SCIN: variants seen among roughly 807,000 people sequenced by gnomAD.
SCIN encodes scinderin.
SCIN carries 91 observed loss-of-function variants against 91.8 expected under a neutral mutation model. The observed-to-expected ratio is 0.99, with a 90% CI of 0.84 to 1.18. SCIN has a LOEUF of 1.18. SCIN is among the 50% of genes most tolerant of loss of function. The pLI is 0.00. For synonymous variants in SCIN, 367 were observed against 312.6 expected, an observed-to-expected ratio of 1.17 and a Z score of -1.84; for missense variants, 1,087 against 863.9, an observed-to-expected ratio of 1.26 and a Z score of -3.24.
chr7:12,636,095 CTGTT>C lies in SCIN; in HGVS notation c.1371_1374del (p.Val458SerfsTer25). 6.2e-7 allele frequency: 1 copy of C among 1,613,214 alleles called. No individual in the cohort carries two copies. The highest frequency in any genetic ancestry group is 1.1e-5 in the South Asian group (1 of 90,822). On this transcript the variant is annotated frameshift_variant, in exon 10 of 16. Coordinates refer to ENST00000297029, the MANE Select transcript of SCIN (RefSeq NM_001112706.3). LOFTEE classifies it high-confidence loss of function. ...GAGCTGACAACATCTGCGTTCCTGA[CTGTT>C]CAGTTGGATCGGTCCCTTGGAGGAC...
chr7:12,598,364 A>C (rs1269991982), intron 3 of SCIN, among the ~76,000 whole-genome samples: 3 of 152,120 alleles, frequency 2.0e-5, no homozygotes, highest in Admixed American at 2.0e-4. Context: ...TGAAGTAGTC[A>C]TAACTAACTA....
intron 2 of SCIN, among the ~76,000 whole-genome samples, chr7:12,579,049 A>T (rs1385514484): frequency 6.6e-6 from 1 of 151,626 alleles, no homozygotes; most frequent in Non-Finnish European, 1.5e-5. Context: ...AGATTTCCGA[A>T]ATCAAACACG....
chr7:12,618,594 A>G (rs544767084), intron 4 of SCIN, among the ~76,000 whole-genome samples: 1 of 152,230 alleles, frequency 6.6e-6, no homozygotes, highest in Non-Finnish European at 1.5e-5. Flanking sequence ...AAATAAGACC[A>G]CAGCTTTCTC....
intron 10 of SCIN, among the ~76,000 whole-genome samples, chr7:12,638,223 C>T: frequency 6.6e-6 from 1 of 152,170 alleles, no homozygotes; most frequent in Admixed American, 6.6e-5. Flanking sequence ...CTTTCTCGTT[C>T]ATTCTGTGAG....
At position 12,646,408 on chromosome 7, in the gene SCIN, C is replaced by T. The variant is rs571646488; in HGVS notation, c.1881+1703C>T. Among the ~76,000 whole-genome samples, 4 of 152,268 alleles carry T rather than the reference C, an allele frequency of 2.6e-5. No individual in the cohort carries two copies. In the East Asian group the frequency reaches 7.7e-4, roughly 29 times the overall value. ...TGTTCTTTCCTTATAAAGACAGACA[C>T]TAAGCAGGGGCACTGTACCCTCATG... On this transcript the variant is annotated intron_variant, in intron 13 of 15. Coordinates refer to ENST00000297029, the MANE Select transcript of SCIN (RefSeq NM_001112706.3).
intron 13 of SCIN, among the ~76,000 whole-genome samples, chr7:12,648,171 C>A (rs1784002905): frequency 6.6e-6 from 1 of 151,912 alleles, no homozygotes; most frequent in African/African-American, 2.4e-5. Context: ...TATAATTTAA[C>A]ACAATTTAAC....
chr7:12,576,647 CA>C (rs1252931521), intron 1 of SCIN, among the ~76,000 whole-genome samples: 1 of 152,142 alleles, frequency 6.6e-6, no homozygotes, highest in African/African-American at 2.4e-5. Context: ...AAAATACCCA[CA>C]AGTGTACTGG....
At chr7:12,578,909 G>GTTTTTTTTTTTGTTT (rs1554290048) in intron 2 of SCIN, among the ~76,000 whole-genome samples, 2 of 85,898 alleles carry the variant, frequency 2.3e-5, no homozygotes, top group Non-Finnish European at 4.6e-5. Context: ...TATAGGACAG[G>GTTTTTTTTTTTGTTT]TTTTTTTTTT....
rs1784232331 is a variant in SCIN at position 12,660,033 on chromosome 7, C to T, written c.*7318C>T. On this transcript the variant is annotated 3_prime_UTR_variant, in exon 16 of 16. Transcript: ENST00000297029. Reference sequence around the variant, plus strand: ...TGAGAATGTACTTTGTGAGATCCACCCCCTGCCAGCAAAACATTGCTCCTG... The same window carrying T: ...TGAGAATGTACTTTGTGAGATCCACTCCCTGCCAGCAAAACATTGCTCCTG... 1 of 152,220 alleles carries T rather than the reference C, an allele frequency of 6.6e-6. No individual in the cohort carries two copies. The highest frequency in any genetic ancestry group is 2.4e-5 in the African/African-American group (1 of 41,404). The allele number at this position is 152,220 out of a possible 1,614,324, so 9.4% of individuals were successfully genotyped here. A position where few individuals can be genotyped will look rare whatever the true frequency, so the allele number is the denominator to read the frequency against.
At chr7:12,589,404 T>C (rs1197451526) in intron 3 of SCIN, 1 of 152,158 alleles carries the variant, frequency 6.6e-6, no homozygotes, top group Admixed American at 6.6e-5. Flanking sequence ...TTTCTATTTT[T>C]AGTAGAGACG....
chr7:12,608,024 A>G (rs77505983), intron 4 of SCIN, among the ~76,000 whole-genome samples: 39 of 152,348 alleles, frequency 2.6e-4, no homozygotes, highest in African/African-American at 8.7e-4. Flanking sequence ...TTCAGCTCAC[A>G]TTATAGCTAT....
intron 3 of SCIN, among the ~76,000 whole-genome samples, chr7:12,589,903 G>C (rs189020799): frequency 2.1e-4 from 32 of 152,262 alleles, no homozygotes; most frequent in African/African-American, 7.2e-4. Context: ...TTTTGGACTG[G>C]CTCTAATGCT....
At chr7:12,571,372 C>T (rs1782267651) in intron 1 of SCIN, 1 of 346,672 alleles carries the variant, frequency 2.9e-6, no homozygotes, top group South Asian at 2.6e-5. Flanking sequence ...CAAACTCAGT[C>T]CTGCTTTCCC....
At chr7:12,643,522 T>G (rs943142090) in intron 11 of SCIN, among the ~76,000 whole-genome samples, 1 of 152,222 alleles carries the variant, frequency 6.6e-6, no homozygotes, top group African/African-American at 2.4e-5. Flanking sequence ...ACTATTTTCC[T>G]GAATGTTCCC....
chr7:12,636,008 AAAGGCAAGCT>A, intron 9 of SCIN, 27 bp from the exon 10 acceptor site: 1 of 1,520,352 alleles, frequency 6.6e-7, no homozygotes, highest in Non-Finnish European at 9.1e-7. Flanking sequence ...CTTAAAACTT[AAAGGCAAGCT>A]AATTCGTTTC....
chr7:12,647,554 G>A (rs1783990885), intron 13 of SCIN, among the ~76,000 whole-genome samples: 1 of 152,128 alleles, frequency 6.6e-6, no homozygotes, highest in South Asian at 2.1e-4. Flanking sequence ...TAAAATGGTG[G>A]TAATCTTAGT....
At chr7:12,579,769 C>T (rs1459188894) in intron 2 of SCIN, among the ~76,000 whole-genome samples, 10 of 152,114 alleles carry the variant, frequency 6.6e-5, no homozygotes, top group Admixed American at 1.3e-4. Flanking sequence ...CAAAATTTAA[C>T]TGGGCGTGGT....
At chr7:12,587,922 G>T (rs1328383539) in intron 3 of SCIN, among the ~76,000 whole-genome samples, 1 of 152,124 alleles carries the variant, frequency 6.6e-6, no homozygotes, top group Non-Finnish European at 1.5e-5. Context: ...ACACCGTACT[G>T]CTTAAGATGC....
chr7:12,640,078 A>T (rs1218138792), intron 10 of SCIN, among the ~76,000 whole-genome samples: 1 of 152,202 alleles, frequency 6.6e-6, no homozygotes, highest in African/African-American at 2.4e-5. Context: ...TACTTTTCAA[A>T]AACAGAAAGT....
Sources: allele counts gnomAD v4.1 joint callset (sites outside exome capture counted in the v4.1 genomes callset), GRCh38; gene constraint gnomAD v4.1.1; transcripts MANE v1.5; gene names NCBI Gene and HGNC (gene_info 2026-07-23, HGNC 2026-07-21).